Variants in FSHR observed in about 807,000 individuals in gnomAD.
FSHR encodes follicle-stimulating hormone receptor.
FSHR carries 46 observed loss-of-function variants against 52.1 expected under a neutral mutation model. That is an observed-to-expected ratio of 0.88 (90% CI 0.70 to 1.13). The LOEUF is 1.13. Ranked by LOEUF, FSHR falls within the 50% of genes most tolerant of loss-of-function variation. The pLI is 0.00. For synonymous variants in FSHR, 399 were observed against 309.6 expected, an observed-to-expected ratio of 1.29 and a Z score of -3.03; for missense variants, 964 against 834.6, an observed-to-expected ratio of 1.16 and a Z score of -1.91.
intron 2 of FSHR, among the ~76,000 whole-genome samples, chr2:49,044,552 C>A (rs1668589994): frequency 6.6e-6 from 1 of 152,178 alleles, no homozygotes; most frequent in Non-Finnish European, 1.5e-5. Context: ...GCACAGATTT[C>A]ATTCTGCTCT....
chr2:48,992,886 T>C (rs768741470), intron 4 of FSHR, among the ~76,000 whole-genome samples: 4 of 152,176 alleles, frequency 2.6e-5, no homozygotes, highest in African/African-American at 7.2e-5. Flanking sequence ...AACTCATAAC[T>C]GAAACTGTGA....
chr2:48,962,810 G>A lies in FSHR; in HGVS notation c.2011C>T (p.His671Tyr), dbSNP rs775606372. The A allele has an allele frequency of 4.3e-6, 7 of 1,614,122 alleles. No individual in the cohort carries two copies. In the South Asian group the frequency reaches 7.7e-5, roughly 18 times the overall value. Residue 671 changes from histidine (H) to tyrosine (Y), a missense_variant, in exon 10 of 10, where the codon CAC (histidine) becomes TAC (tyrosine). His to Tyr is a moderately conservative substitution (Grantham distance 83). Coordinates refer to ENST00000406846, the MANE Select transcript of FSHR (RefSeq NM_000145.4). ...TVHNTHPRNGHCSSAPRVTSG... is the reference protein window; with the variant it reads ...TVHNTHPRNGYCSSAPRVTSG... ...GTGACTCTGGGAGCTGAAGAGCAGTGGCCATTCCTTGGATGGGTGTTGTGG... is the reference window on the plus strand; with the variant it reads ...GTGACTCTGGGAGCTGAAGAGCAGTAGCCATTCCTTGGATGGGTGTTGTGG...
chr2:49,019,432 A>G (rs1374349771), intron 3 of FSHR, among the ~76,000 whole-genome samples: 1 of 152,218 alleles, frequency 6.6e-6, no homozygotes, highest in African/African-American at 2.4e-5. Context: ...ATAAACTGGT[A>G]TGAAACAGAA....
chr2:49,024,386 G>A (rs1406094650), intron 2 of FSHR, among the ~76,000 whole-genome samples: 3 of 152,058 alleles, frequency 2.0e-5, no homozygotes, highest in Non-Finnish European at 1.5e-5. Flanking sequence ...ACCAGCCTGA[G>A]CAACATGGTG....
chr2:48,996,978 A>T (rs1221605680), intron 4 of FSHR, among the ~76,000 whole-genome samples: 1 of 152,116 alleles, frequency 6.6e-6, no homozygotes, highest in Non-Finnish European at 1.5e-5. Flanking sequence ...GTATATCTAT[A>T]TACAACATGA....
At chr2:49,120,805 G>A (rs1671790567) in intron 1 of FSHR, among the ~76,000 whole-genome samples, 1 of 152,226 alleles carries the variant, frequency 6.6e-6, no homozygotes, top group South Asian at 2.1e-4. Flanking sequence ...TTGCTGACCT[G>A]TAGTAGATGC....
At chr2:48,965,993 G>T (rs1479999509) in intron 9 of FSHR, among the ~76,000 whole-genome samples, 1 of 152,242 alleles carries the variant, frequency 6.6e-6, no homozygotes, top group African/African-American at 2.4e-5. Flanking sequence ...CTTGGGGGTG[G>T]CATAGCAGTG....
intron 9 of FSHR, among the ~76,000 whole-genome samples, chr2:48,966,160 A>G (rs1379988584): frequency 6.6e-6 from 1 of 152,200 alleles, no homozygotes; most frequent in Non-Finnish European, 1.5e-5. Flanking sequence ...AAATAAAGAT[A>G]CAGAGTATTA....
At chr2:49,129,252 A>C (rs556135510) in intron 1 of FSHR, among the ~76,000 whole-genome samples, 1 of 152,150 alleles carries the variant, frequency 6.6e-6, no homozygotes, top group African/African-American at 2.4e-5. Flanking sequence ...GTCACCCATC[A>C]ACACCTATTG....
chr2:49,051,729 C>T (rs1469499692), intron 2 of FSHR, among the ~76,000 whole-genome samples: 2 of 151,956 alleles, frequency 1.3e-5, no homozygotes, highest in Admixed American at 6.6e-5. Context: ...CAAAATAACA[C>T]TTTTATTTTA....
At position 49,017,491 on chromosome 2, in the gene FSHR, A is replaced by G. The variant is rs1667529392; in HGVS notation, c.372T>C (p.Tyr124=). ...TACCAAACTACATGAGTTCTTACAG[A>G]TATTGAAGGTTGGGAAGGTTCTGGA... ...EAFQNLPNLQ[Y]LLISNTGIKH... Residue 124 remains tyrosine, a splice_region_variant and synonymous_variant, in exon 4 of 10, where the codon TAT becomes TAC. Coordinates refer to ENST00000406846, the MANE Select transcript of FSHR (RefSeq NM_000145.4). 1.9e-6 allele frequency: 3 copies of G among 1,610,570 alleles called. No individual in the cohort carries two copies. In the Middle Eastern group the frequency reaches 4.9e-4, roughly 265 times the overall value.
chr2:49,026,117 A>G (rs1346853285), intron 2 of FSHR, among the ~76,000 whole-genome samples: 2 of 152,194 alleles, frequency 1.3e-5, no homozygotes, highest in Non-Finnish European at 2.9e-5. Context: ...AGTCTTTGCT[A>G]GAGTCATCCT....
At chr2:49,085,353 T>C (rs1670336267) in intron 1 of FSHR, among the ~76,000 whole-genome samples, 1 of 152,222 alleles carries the variant, frequency 6.6e-6, no homozygotes, top group Non-Finnish European at 1.5e-5. Context: ...CTCAAAATAA[T>C]AAGAGCTATC....
At chr2:49,114,323 A>G (rs1671526533) in intron 1 of FSHR, among the ~76,000 whole-genome samples, 2 of 152,174 alleles carry the variant, frequency 1.3e-5, no homozygotes, top group South Asian at 4.1e-4. Flanking sequence ...GCTTCTGTGG[A>G]TGCACACATT....
chr2:49,012,285 T>C (rs1030069388), intron 4 of FSHR, among the ~76,000 whole-genome samples: 1 of 152,068 alleles, frequency 6.6e-6, no homozygotes, highest in Non-Finnish European at 1.5e-5. Context: ...AAAGGTCAGC[T>C]CCAGGAAGGC....
chr2:49,127,395 T>A (rs1672043471), intron 1 of FSHR, among the ~76,000 whole-genome samples: 1 of 150,450 alleles, frequency 6.6e-6, no homozygotes. Flanking sequence ...TATCTGAGCA[T>A]ATAAAAGAGT....
chr2:49,073,539 G>A (rs1486503071), intron 1 of FSHR, among the ~76,000 whole-genome samples: 1 of 151,830 alleles, frequency 6.6e-6, no homozygotes, highest in African/African-American at 2.4e-5. Context: ...ACTAATAAAA[G>A]AAATTAAAGA....
At chr2:49,051,474 T>C (rs1668853875) in intron 2 of FSHR, among the ~76,000 whole-genome samples, 1 of 152,148 alleles carries the variant, frequency 6.6e-6, no homozygotes, top group South Asian at 2.1e-4. Context: ...TGCCGATTCG[T>C]GTATCTTTTT....
rs530436382 is a variant in FSHR, at chr2:49,145,746, C to T, written c.152+8520G>A. 3.9e-4 allele frequency among the ~76,000 whole-genome samples: 60 copies of T among 152,042 alleles called. 1 individual carries two copies. The highest frequency in any genetic ancestry group is 1.4e-3 in the African/African-American group (60 of 41,502). ...CATGAGGACAGGGATCTTGCCTTTC[C>T]TATTGATTGTTTTCTCTCCAGTGCC... is the stretch of plus-strand genomic sequence containing the variant. On this transcript the variant is annotated intron_variant, in intron 1 of 9. Transcript: ENST00000406846.
Sources: allele counts gnomAD v4.1 joint callset (sites outside exome capture counted in the v4.1 genomes callset), GRCh38; gene constraint gnomAD v4.1.1; transcripts MANE v1.5; gene names NCBI Gene and HGNC (gene_info 2026-07-23, HGNC 2026-07-21).